Variants in ALPK3 observed in about 807,000 individuals in gnomAD.
ALPK3 encodes alpha kinase 3.
Under a neutral mutation model 140.0 loss-of-function variants are expected in ALPK3, and 102 were observed. The ratio of observed to expected loss-of-function variants is 0.73; its 90% CI spans 0.62 to 0.86. The LOEUF is 0.86. Among genes scored for constraint, ALPK3 ranks in the 40% least tolerant of loss-of-function variants. The pLI is 0.00. For missense variants in ALPK3, 2,254 were observed against 2,208.2 expected, an observed-to-expected ratio of 1.02 and a Z score of -0.42; for synonymous variants, 938 against 898.5, an observed-to-expected ratio of 1.04 and a Z score of -0.79.
intron 5 of ALPK3, among the ~76,000 whole-genome samples, chr15:84,845,865 C>T (rs1230479130): frequency 6.6e-6 from 1 of 152,086 alleles, no homozygotes; most frequent in African/African-American, 2.4e-5. Context: ...TCGAGACCAG[C>T]GTGGCCAAAA....
rs1963867076 is a variant in ALPK3 at position 84,856,793 on chromosome 15, G to A, written c.2055G>A (p.Lys685=). ...GTGAGAAGATACAGGAAGACAGGAA[G>A]GCCCAGGCAGATAAGGGCACACAGG... The part of the protein sequence containing the change: ...QAGEKIQEDR[K]AQADKGTQED... The change falls in exon 6 of 14, where the codon AAG becomes AAA. Residue 685 remains lysine (K), a synonymous_variant. Transcript: ENST00000258888. 1 of 1,614,076 alleles carries A rather than the reference G, an allele frequency of 6.2e-7. No individual in the cohort carries two copies. Among genetic ancestry groups the A allele is most frequent in the Non-Finnish European group, 8.5e-7 (1 of 1,180,024 alleles).
At chr15:84,823,487 A>C in intron 2 of ALPK3, 119 bp downstream of exon 2, 1 of 860,270 alleles carries the variant, frequency 1.2e-6, no homozygotes, top group South Asian at 1.4e-5. Flanking sequence ...GGAGAGCTGG[A>C]GGGTGGGTGG....
intron 7 of ALPK3, 86 bp downstream of exon 7, chr15:84,859,476 C>T (rs750102157): frequency 1.3e-5 from 20 of 1,511,546 alleles, no homozygotes; most frequent in East Asian, 4.6e-5. Flanking sequence ...TTGAACCTAT[C>T]GCCTCATTAA....
Position 84,823,424 on chromosome 15 carries a change from T to C in ALPK3, c.182+56T>C, listed in dbSNP as rs1345190742. 17 of 1,596,008 alleles carry C rather than the reference T, an allele frequency of 1.1e-5. No individual in the cohort carries two copies. The East Asian group carries it at 1.8e-4, about 17-fold the overall frequency. Reference sequence around the variant, plus strand: ...CTGCTTTTTCCTTGGGTCTGGGCATTGAGGGGCCACTGAGTGTCTGCTCGT... The same window carrying C: ...CTGCTTTTTCCTTGGGTCTGGGCATCGAGGGGCCACTGAGTGTCTGCTCGT... On this transcript the variant is annotated intron_variant, in intron 2 of 13. Coordinates refer to ENST00000258888, the MANE Select transcript of ALPK3 (RefSeq NM_020778.5).
intron 5 of ALPK3, among the ~76,000 whole-genome samples, chr15:84,848,625 A>T (rs1963763170): frequency 6.6e-6 from 1 of 152,226 alleles, no homozygotes; most frequent in South Asian, 2.1e-4. Context: ...ATAAATAATT[A>T]TATTAACTAT....
intron 3 of ALPK3, among the ~76,000 whole-genome samples, chr15:84,832,669 C>T (rs946626307): frequency 6.6e-6 from 1 of 152,240 alleles, no homozygotes; most frequent in Non-Finnish European, 1.5e-5. Context: ...ACACCTGACA[C>T]ATCATGCCTC....
chr15:84,830,572 C>T (rs1271913437), intron 3 of ALPK3, among the ~76,000 whole-genome samples: 1 of 152,130 alleles, frequency 6.6e-6, no homozygotes, highest in Non-Finnish European at 1.5e-5. Flanking sequence ...TAACTTTCTG[C>T]TTTTTGTATT....
intron 1 of ALPK3, among the ~76,000 whole-genome samples, chr15:84,818,889 T>C (rs571286604): frequency 6.6e-6 from 1 of 152,366 alleles, no homozygotes; most frequent in Non-Finnish European, 1.5e-5. Flanking sequence ...GGACATTTAT[T>C]CCAGTCCTTA....
chr15:84,867,722 T>C (rs753641222), intron 13 of ALPK3, among the ~76,000 whole-genome samples: 2 of 152,186 alleles, frequency 1.3e-5, no homozygotes, highest in Non-Finnish European at 2.9e-5. Flanking sequence ...GCCATTCTTA[T>C]GCCATTTAAA....
intron 3 of ALPK3, among the ~76,000 whole-genome samples, chr15:84,828,639 A>G (rs976519264): frequency 4.6e-5 from 7 of 152,270 alleles, no homozygotes; most frequent in Non-Finnish European, 2.9e-5. Context: ...TCTGAGCTGC[A>G]GACTGAGAAC....
intron 3 of ALPK3, 102 bp from the exon 4 acceptor site, chr15:84,838,878 T>A: frequency 1.0e-6 from 1 of 953,274 alleles, no homozygotes; most frequent in Non-Finnish European, 1.6e-6. Context: ...TGCCTCAGCC[T>A]CCCAAAGTGC....
At chr15:84,842,449 G>T (rs1963677673) in intron 5 of ALPK3, among the ~76,000 whole-genome samples, 1 of 152,174 alleles carries the variant, frequency 6.6e-6, no homozygotes, top group Non-Finnish European at 1.5e-5. Context: ...ATCGGGAATG[G>T]CTTCATGGGG....
intron 5 of ALPK3, among the ~76,000 whole-genome samples, chr15:84,849,598 A>G (rs1462154068): frequency 6.6e-6 from 1 of 152,222 alleles, no homozygotes; most frequent in African/African-American, 2.4e-5. Context: ...CTAGAAATCA[A>G]TGACAGAAAG....
At chr15:84,863,685 C>T (rs1442643751) in intron 11 of ALPK3, 45 bp downstream of exon 11, 2 of 1,566,040 alleles carry the variant, frequency 1.3e-6, no homozygotes, top group Non-Finnish European at 1.7e-6. Context: ...GCACTGTTGC[C>T]TTGGGCTTCT....
intron 5 of ALPK3, among the ~76,000 whole-genome samples, chr15:84,846,678 G>A (rs996894482): frequency 2.0e-4 from 30 of 152,272 alleles, no homozygotes; most frequent in African/African-American, 6.3e-4. Flanking sequence ...GGGAGACCCT[G>A]TCTCAAAACA....
In ALPK3 at chr15:84,840,038, A is replaced by G. The variant is rs1596149823; in HGVS notation, c.759A>G (p.Gly253=). The G allele has an allele frequency of 6.2e-7, 1 of 1,613,838 alleles. No individual in the cohort carries two copies. The highest frequency in any genetic ancestry group is 8.5e-7 in the Non-Finnish European group (1 of 1,179,914). ...EGGTLAAWQE[G]ETETAQHSGL... Reference sequence around the variant, plus strand: ...GGACCCTGGCGGCTTGGCAGGAGGGAGAGACTGAGACTGCTCAGCACTCAG... The same window carrying G: ...GGACCCTGGCGGCTTGGCAGGAGGGGGAGACTGAGACTGCTCAGCACTCAG... Residue 253 remains glycine (G), a synonymous_variant, in exon 5 of 14, where the codon GGA becomes GGG. Coordinates refer to ENST00000258888, the MANE Select transcript of ALPK3 (RefSeq NM_020778.5).
chr15:84,858,859 C>G (rs920676304), intron 6 of ALPK3, among the ~76,000 whole-genome samples: 1 of 152,220 alleles, frequency 6.6e-6, no homozygotes, highest in Non-Finnish European at 1.5e-5. Flanking sequence ...TCTCCATCAT[C>G]ACCATTCAGT....
rs1443106961 is a variant in ALPK3, at chr15:84,868,747, C to G, written c.*291C>G. 2 of 453,116 alleles carry G rather than the reference C, an allele frequency of 4.4e-6. No individual in the cohort carries two copies. Among genetic ancestry groups the G allele is most frequent in the Non-Finnish European group, 8.0e-6 (2 of 249,056 alleles). The allele number at this position is 453,116 out of a possible 1,614,324, so 28.1% of individuals were successfully genotyped here. A position where few individuals can be genotyped will look rare whatever the true frequency, so the allele number is the denominator to read the frequency against. ...ACCTAGGCCCTCCTTGAAGTTTACA[C>G]TTTGCCACTGCTGGAGGCTCCCCTG... On this transcript the variant is annotated 3_prime_UTR_variant, in exon 14 of 14. Coordinates refer to ENST00000258888, the MANE Select transcript of ALPK3 (RefSeq NM_020778.5).
rs80014104 is a variant in ALPK3, at chr15:84,856,311, C to T, written c.1654-81C>T. 99,221 of 1,523,084 alleles carry T rather than the reference C, an allele frequency of 0.065. 3,320 individuals are homozygous for T. Among genetic ancestry groups the T allele is most frequent in the East Asian group, 0.084 (3,706 of 44,290 alleles). 94.3% of individuals were successfully genotyped at this position (1,523,084 alleles called of 1,614,324 possible). ...CATCAGAGCAGTTGTAGATGAGGTCCGAGGAGACTGGGATGCCAGACTGGA... is the reference window on the plus strand; with the variant it reads ...CATCAGAGCAGTTGTAGATGAGGTCTGAGGAGACTGGGATGCCAGACTGGA... On this transcript the variant is annotated intron_variant, in intron 5 of 13. Coordinates refer to ENST00000258888, the MANE Select transcript of ALPK3 (RefSeq NM_020778.5).
Sources: allele counts gnomAD v4.1 joint callset (sites outside exome capture counted in the v4.1 genomes callset), GRCh38; gene constraint gnomAD v4.1.1; transcripts MANE v1.5; gene names NCBI Gene and HGNC (gene_info 2026-07-23, HGNC 2026-07-21).